DACH1: variants seen among roughly 807,000 people sequenced by gnomAD.
DACH1 encodes the protein dachshund family transcription factor 1.
In DACH1, 12 loss-of-function variants were observed where a neutral mutation model predicts 54.2. The ratio of observed to expected loss-of-function variants is 0.22; its 90% CI spans 0.14 to 0.36. The LOEUF (loss-of-function observed/expected upper bound fraction) is 0.36, where lower values mean the gene tolerates loss of function less well. Ranked by LOEUF, DACH1 falls within the 10% of genes least tolerant of loss-of-function variation. DACH1 has a pLI of 1.00. For synonymous variants in DACH1, 386 were observed against 366.2 expected (o/e 1.05, Z -0.62); for missense variants, 805 against 929.8 (o/e 0.87, Z 1.75).
At chr13:71,598,772 G>A (rs564157543) in intron 3 of DACH1, among the ~76,000 whole-genome samples, 224 of 152,184 alleles carry the variant, frequency 1.5e-3, no homozygotes, top group African/African-American at 5.3e-3. Flanking sequence ...ATTCAAAATA[G>A]AAAACCTATT....
chr13:71,456,447 G>A (rs1416034227), intron 10 of DACH1, among the ~76,000 whole-genome samples: 3 of 151,850 alleles, frequency 2.0e-5, no homozygotes, highest in Non-Finnish European at 2.9e-5. Flanking sequence ...ATTAACTTAT[G>A]TCACCATGTA....
intron 3 of DACH1, among the ~76,000 whole-genome samples, chr13:71,601,805 A>G (rs1032107710): frequency 7.9e-5 from 12 of 152,018 alleles, no homozygotes; most frequent in African/African-American, 2.9e-4. Flanking sequence ...CATATAGCAT[A>G]TTTTAAAATA....
chr13:71,490,553 T>A (rs1878893508), intron 6 of DACH1, among the ~76,000 whole-genome samples: 1 of 152,192 alleles, frequency 6.6e-6, no homozygotes, highest in Non-Finnish European at 1.5e-5. Context: ...AGGCAGCAAG[T>A]ACTAGAGGAA....
chr13:71,749,189 G>A (rs1467282906), intron 1 of DACH1, among the ~76,000 whole-genome samples: 1 of 151,622 alleles, frequency 6.6e-6, no homozygotes, highest in Non-Finnish European at 1.5e-5. Context: ...TCAGCATGTT[G>A]GCCAGGCTGG....
chr13:71,653,557 G>A (rs1218601047), intron 2 of DACH1, among the ~76,000 whole-genome samples: 1 of 152,168 alleles, frequency 6.6e-6, no homozygotes, highest in Non-Finnish European at 1.5e-5. Context: ...TATCGCACCT[G>A]CTAGGAGAGC....
intron 6 of DACH1, among the ~76,000 whole-genome samples, chr13:71,492,335 C>A (rs1213240347): frequency 1.3e-5 from 2 of 151,938 alleles, no homozygotes; most frequent in East Asian, 3.9e-4. Context: ...TTAGGATGGA[C>A]CCTAAATCCA....
intron 7 of DACH1, among the ~76,000 whole-genome samples, chr13:71,482,912 T>C (rs1452488083): frequency 6.6e-6 from 1 of 150,800 alleles, no homozygotes; most frequent in Non-Finnish European, 1.5e-5. Flanking sequence ...GCGATTCTCC[T>C]GCCTCAGCCT....
At chr13:71,527,872 TA>T (rs71198119) in intron 6 of DACH1, among the ~76,000 whole-genome samples, 10,803 of 148,802 alleles carry the variant, frequency 0.073, 541 homozygotes, top group Admixed American at 0.14. Context: ...AAGTTACTAA[TA>T]AAAAAAAAAT....
At chr13:71,535,490 T>A (rs1439902587) in intron 6 of DACH1, among the ~76,000 whole-genome samples, 2 of 151,912 alleles carry the variant, frequency 1.3e-5, no homozygotes, top group African/African-American at 4.8e-5. Context: ...ACTTAGCAAA[T>A]CTCATATAAA....
chr13:71,825,505 T>G (rs952504362), intron 1 of DACH1, among the ~76,000 whole-genome samples: 1 of 152,124 alleles, frequency 6.6e-6, no homozygotes, highest in African/African-American at 2.4e-5. Flanking sequence ...ACTTTAGGTG[T>G]GAGTAATTTT....
At chr13:71,836,021 A>G (rs185189217) in intron 1 of DACH1, among the ~76,000 whole-genome samples, 3 of 152,158 alleles carry the variant, frequency 2.0e-5, no homozygotes, top group Admixed American at 1.3e-4. Flanking sequence ...TAATACTCCA[A>G]TTAAAAGCAG....
chr13:71,671,581 C>T (rs1314763905), intron 2 of DACH1, among the ~76,000 whole-genome samples: 1 of 152,004 alleles, frequency 6.6e-6, no homozygotes, highest in Non-Finnish European at 1.5e-5. Flanking sequence ...CCCCAACCTA[C>T]CTCCCTCTCA....
intron 1 of DACH1, among the ~76,000 whole-genome samples, chr13:71,723,246 TAAA>T (rs112775403): frequency 1.5e-5 from 2 of 133,538 alleles, no homozygotes; most frequent in African/African-American, 2.5e-5. Context: ...CTACACAAAT[TAAA>T]AAAAAAAAAA....
chr13:71,843,341 C>T (rs1381761201), intron 1 of DACH1, among the ~76,000 whole-genome samples: 6 of 152,110 alleles, frequency 3.9e-5, no homozygotes, highest in African/African-American at 1.4e-4. Context: ...TCATGGCTCA[C>T]CACAACCTCA....
intron 2 of DACH1, among the ~76,000 whole-genome samples, chr13:71,646,716 CTTATT>C (rs1281667488): frequency 1.3e-5 from 2 of 152,094 alleles, no homozygotes; most frequent in African/African-American, 4.8e-5. Context: ...ATCCTCCGTA[CTTATT>C]TTGTTTTATT....
intron 2 of DACH1, among the ~76,000 whole-genome samples, chr13:71,652,641 T>C (rs1374831627): frequency 6.6e-6 from 1 of 152,144 alleles, no homozygotes; most frequent in Non-Finnish European, 1.5e-5. Flanking sequence ...CAGTTATTAT[T>C]AATTCACCGA....
At chr13:71,732,076 CA>C (rs1298934906) in intron 1 of DACH1, among the ~76,000 whole-genome samples, 1 of 152,154 alleles carries the variant, frequency 6.6e-6, no homozygotes, top group African/African-American at 2.4e-5. Flanking sequence ...TCTATCATTC[CA>C]GCCTGCCAAT....
intron 1 of DACH1, among the ~76,000 whole-genome samples, chr13:71,780,643 C>A: frequency 6.7e-6 from 1 of 148,410 alleles, no homozygotes. Flanking sequence ...GAGACTTCAT[C>A]TCAAAAAAAA....
At chr13:71,736,582 T>G (rs1884130441) in intron 1 of DACH1, among the ~76,000 whole-genome samples, 1 of 152,098 alleles carries the variant, frequency 6.6e-6, no homozygotes, top group African/African-American at 2.4e-5. Flanking sequence ...AATGAAAAAG[T>G]GAAAGCACTC....
Sources: gnomAD v4.1 joint callset for allele counts (sites outside exome capture counted in the v4.1 genomes callset) on GRCh38, gnomAD v4.1.1 for gene constraint, MANE v1.5 for transcripts, NCBI Gene and HGNC (gene_info 2026-07-23, HGNC 2026-07-21) for gene names.